SAMD3: variants seen among roughly 807,000 people sequenced by gnomAD.
SAMD3 encodes sterile alpha motif domain containing 3, also known as sterile alpha motif domain-containing protein 3.
SAMD3 carries 63 observed loss-of-function variants against 58.5 expected under a neutral mutation model. The observed-to-expected ratio is 1.08, with a 90% CI of 0.88 to 1.33. The LOEUF (loss-of-function observed/expected upper bound fraction) is 1.33, where lower values mean the gene tolerates loss of function less well. Ranked by LOEUF, SAMD3 falls within the 40% of genes most tolerant of loss-of-function variation. The pLI is 0.00. For missense variants in SAMD3, 604 were observed against 608.4 expected, an observed-to-expected ratio of 0.99 and a Z score of 0.08; for synonymous variants, 220 against 210.3, an observed-to-expected ratio of 1.05 and a Z score of -0.40.
chr6:130,324,711 T>C (rs904689301), intron 1 of SAMD3, among the ~76,000 whole-genome samples: 8 of 151,936 alleles, frequency 5.3e-5, no homozygotes, highest in Non-Finnish European at 8.8e-5. Flanking sequence ...ATTCAAAAAA[T>C]CTGAACATTA....
At chr6:130,183,099 G>T in intron 7 of SAMD3, 1 of 312,626 alleles carries the variant, frequency 3.2e-6, no homozygotes, top group Non-Finnish European at 6.2e-6. Flanking sequence ...AGACAGGCAG[G>T]TTCAAACAGC....
chr6:130,349,980 A>T (rs1223754432), intron 1 of SAMD3, among the ~76,000 whole-genome samples: 1 of 152,250 alleles, frequency 6.6e-6, no homozygotes, highest in Non-Finnish European at 1.5e-5. Flanking sequence ...CCACATGATT[A>T]TCTCAATAGA....
At chr6:130,169,499 C>T (rs868429011) in intron 8 of SAMD3, among the ~76,000 whole-genome samples, 8 of 152,180 alleles carry the variant, frequency 5.3e-5, no homozygotes, top group Admixed American at 6.6e-5. Context: ...TCTCTGTAGA[C>T]GTCAACAATG....
intron 2 of SAMD3, among the ~76,000 whole-genome samples, chr6:130,267,671 G>A (rs1201247238): frequency 6.6e-6 from 1 of 152,202 alleles, no homozygotes; most frequent in Non-Finnish European, 1.5e-5. Context: ...AAGCCTGGTA[G>A]TTAAAATTTG....
chr6:130,274,483 C>G lies in SAMD3; in HGVS notation c.-188+38495G>C, dbSNP rs560574609. On this transcript the variant is annotated intron_variant, in intron 2 of 13. Coordinates refer to the SAMD3 transcript ENST00000368134. The stretch of plus-strand genomic sequence containing the variant: ...GAGTGACATGTGAGTCTGGGGTATA[C>G]AGCTTAGGGTGGGCTGCTGTTTTTT... 5.5e-4 allele frequency among the ~76,000 whole-genome samples: 84 copies of G among 152,246 alleles called. 2 individuals are homozygous for G. The South Asian group carries it at 0.016, about 29-fold the overall frequency.
At chr6:130,263,386 G>A (rs763692839) in intron 2 of SAMD3, among the ~76,000 whole-genome samples, 6 of 152,024 alleles carry the variant, frequency 3.9e-5, no homozygotes, top group Admixed American at 1.3e-4. Context: ...TGAAGATCAC[G>A]TTCTCGTCAA....
intron 2 of SAMD3, among the ~76,000 whole-genome samples, chr6:130,235,179 T>C (rs1413377979): frequency 2.6e-5 from 4 of 152,222 alleles, no homozygotes; most frequent in African/African-American, 9.7e-5. Context: ...ATTTTGACTT[T>C]ATTAAAGTAA....
At chr6:130,165,672 CT>C (rs543547229) in intron 8 of SAMD3, among the ~76,000 whole-genome samples, 1 of 150,562 alleles carries the variant, frequency 6.6e-6, no homozygotes, top group Non-Finnish European at 1.5e-5. Context: ...TCAAAGTCAG[CT>C]TTTTTTTTCA....
At chr6:130,241,024 T>C (rs937713093) in intron 2 of SAMD3, among the ~76,000 whole-genome samples, 2 of 152,056 alleles carry the variant, frequency 1.3e-5, no homozygotes, top group Admixed American at 1.3e-4. Flanking sequence ...GAATTCCTCT[T>C]TGGCGAACTG....
intron 2 of SAMD3, among the ~76,000 whole-genome samples, chr6:130,268,832 C>T (rs1774453653): frequency 6.6e-6 from 1 of 152,142 alleles, no homozygotes; most frequent in South Asian, 2.1e-4. Flanking sequence ...TGTATCTCTG[C>T]CATTAAATGA....
At position 130,220,094 on chromosome 6, in the gene SAMD3, C is replaced by T. The variant is rs57603676; in HGVS notation, c.-68+2600G>A. Among the ~76,000 whole-genome samples, 1,381 of 152,260 alleles carry T rather than the reference C, an allele frequency of 9.1e-3. 16 individuals carry two copies. Among genetic ancestry groups the T allele is most frequent in the African/African-American group, 0.032 (1,323 of 41,550 alleles). ...TCGGCTCATTGCAACCTCCACCTCC[C>T]GGATTCAAGCCATTCTTTTGCCTCA... On this transcript the variant is annotated intron_variant, in intron 1 of 11. Transcript: ENST00000439090.
intron 2 of SAMD3, among the ~76,000 whole-genome samples, chr6:130,239,876 AG>A (rs1384903861): frequency 1.3e-5 from 2 of 152,198 alleles, no homozygotes; most frequent in Non-Finnish European, 2.9e-5. Context: ...GTTGACCGGA[AG>A]ACAAGCTAGT....
At chr6:130,363,682 C>T (rs1168272524) in intron 1 of SAMD3, among the ~76,000 whole-genome samples, 1 of 152,030 alleles carries the variant, frequency 6.6e-6, no homozygotes, top group Non-Finnish European at 1.5e-5. Context: ...GTACCAAGTC[C>T]CTCTGTTAGT....
At chr6:130,349,690 A>G (rs935847179) in intron 1 of SAMD3, among the ~76,000 whole-genome samples, 6 of 152,262 alleles carry the variant, frequency 3.9e-5, no homozygotes, top group Admixed American at 1.3e-4. Flanking sequence ...AATCAATAGA[A>G]AAAGAGGGAA....
At chr6:130,283,074 C>CA (rs34461752) in intron 2 of SAMD3, among the ~76,000 whole-genome samples, 48,380 of 151,726 alleles carry the variant, frequency 0.32, 7,936 homozygotes, top group East Asian at 0.48. Flanking sequence ...AAAGGCACTA[C>CA]AAAAAACGGC....
At chr6:130,280,774 T>A (rs1774954126) in intron 2 of SAMD3, among the ~76,000 whole-genome samples, 1 of 152,198 alleles carries the variant, frequency 6.6e-6, no homozygotes. Context: ...TTGCCTTCCC[T>A]CTTTATTTTC....
intron 2 of SAMD3, among the ~76,000 whole-genome samples, chr6:130,271,740 T>G (rs1442888780): frequency 1.3e-5 from 2 of 151,940 alleles, no homozygotes; most frequent in African/African-American, 4.8e-5. Flanking sequence ...AGGAAAGAGG[T>G]TTAATGGACT....
intron 1 of SAMD3, among the ~76,000 whole-genome samples, chr6:130,319,459 A>G (rs1249199961): frequency 2.7e-5 from 4 of 148,846 alleles, no homozygotes; most frequent in Non-Finnish European, 3.0e-5. Flanking sequence ...CTTGATGAAA[A>G]CAATGCAAAC....
rs1791689955 is a variant in SAMD3 at position 130,176,002 on chromosome 6, A to G, written c.661T>C (p.Trp221Arg). The G allele has an allele frequency of 6.2e-7, 1 of 1,612,186 alleles. No homozygotes were observed. The highest frequency in any genetic ancestry group is 1.3e-5 in the African/African-American group (1 of 74,802). The change falls in exon 8 of 12, where the codon TGG (tryptophan) becomes CGG (arginine). Residue 221 changes from tryptophan to arginine, a missense_variant. Coordinates refer to ENST00000439090, the MANE Select transcript of SAMD3 (RefSeq NM_001017373.4). ...AAGCGATCTTTGAGGGCTCGTTTCC[A>G]TAAAAACTGTAAAATAAAACAGACC... is the stretch of plus-strand genomic sequence containing the variant. ...LDEDGCGFFLWKRALKDRFKY... is the reference protein window; with the variant it reads ...LDEDGCGFFLRKRALKDRFKY...
Sources: gnomAD v4.1 joint callset for allele counts (sites outside exome capture counted in the v4.1 genomes callset) on GRCh38, gnomAD v4.1.1 for gene constraint, MANE v1.5 for transcripts, NCBI Gene and HGNC (gene_info 2026-07-23, HGNC 2026-07-21) for gene names.